The following STAG1 variants were observed in gnomAD, a reference collection of about 807,000 sequenced individuals.
STAG1 encodes the protein STAG1 cohesin complex component, also known as cohesin subunit SA-1.
A neutral mutation model predicts 170.9 loss-of-function variants in STAG1; 26 were observed. The ratio of observed to expected loss-of-function variants is 0.15; its 90% CI spans 0.11 to 0.21. The LOEUF is 0.21. STAG1 is among the 10% of genes least tolerant of loss of function. The probability of loss-of-function intolerance (pLI) is 1.00; values close to 1 mark genes in which losing one functional copy is unlikely to be tolerated. For missense variants in STAG1, 964 were observed against 1,509.5 expected, an observed-to-expected ratio of 0.64 and a Z score of 5.99; for synonymous variants, 514 against 497.7, an observed-to-expected ratio of 1.03 and a Z score of -0.44.
At chr3:136,716,356 G>A (rs1298982175) in intron 1 of STAG1, among the ~76,000 whole-genome samples, 4 of 151,844 alleles carry the variant, frequency 2.6e-5, no homozygotes, top group Non-Finnish European at 5.9e-5. Context: ...CCAGCTACTC[G>A]GGAGGCTGAG....
chr3:136,370,528 A>T (rs989642622), intron 23 of STAG1, among the ~76,000 whole-genome samples: 74 of 152,156 alleles, frequency 4.9e-4, no homozygotes, highest in Non-Finnish European at 3.2e-4. Context: ...ACCCCACAAC[A>T]GTCCCCAGTG....
intron 16 of STAG1, among the ~76,000 whole-genome samples, chr3:136,432,156 T>A (rs1451515260): frequency 3.3e-5 from 5 of 152,186 alleles, no homozygotes; most frequent in African/African-American, 1.2e-4. Flanking sequence ...ATCTTCATGT[T>A]TTTCTATTGT....
chr3:136,357,226 G>C (rs1936694521), intron 28 of STAG1, among the ~76,000 whole-genome samples: 1 of 152,084 alleles, frequency 6.6e-6, no homozygotes, highest in African/African-American at 2.4e-5. Context: ...GAGATTACAG[G>C]TGTGAGCCAC....
At chr3:136,580,293 T>C (rs1937563174) in intron 4 of STAG1, among the ~76,000 whole-genome samples, 1 of 151,220 alleles carries the variant, frequency 6.6e-6, no homozygotes, top group South Asian at 2.1e-4. Context: ...GTCATGTACA[T>C]GTATTACTTA....
At chr3:136,414,804 T>C (rs953668655) in intron 21 of STAG1, among the ~76,000 whole-genome samples, 1 of 152,176 alleles carries the variant, frequency 6.6e-6, no homozygotes, top group Non-Finnish European at 1.5e-5. Context: ...TTAACAGTCA[T>C]GAAAAATGAG....
intron 1 of STAG1, among the ~76,000 whole-genome samples, chr3:136,729,877 CTTT>C (rs36212432): frequency 1.9e-4 from 11 of 58,548 alleles, no homozygotes; most frequent in African/African-American, 7.8e-4. Context: ...CCACGCCAGG[CTTT>C]TTTTTTTTTT....
At chr3:136,684,195 G>A (rs568469066) in intron 1 of STAG1, among the ~76,000 whole-genome samples, 1 of 152,246 alleles carries the variant, frequency 6.6e-6, no homozygotes, top group East Asian at 1.9e-4. Flanking sequence ...TTACTGAAGA[G>A]GCCAAAGGTC....
intron 13 of STAG1, among the ~76,000 whole-genome samples, chr3:136,453,452 G>A (rs1018997258): frequency 1.3e-5 from 2 of 151,848 alleles, no homozygotes; most frequent in African/African-American, 2.4e-5. Context: ...TTAGCCGGGC[G>A]TGGTGGCGGG....
intron 1 of STAG1, among the ~76,000 whole-genome samples, chr3:136,705,064 C>G (rs1943188698): frequency 6.6e-6 from 1 of 151,608 alleles, no homozygotes; most frequent in African/African-American, 2.4e-5. Flanking sequence ...AACATCTAGA[C>G]AGAAGATCAT....
At chr3:136,447,693 G>C (rs147373340) in intron 14 of STAG1, among the ~76,000 whole-genome samples, 1,678 of 130,942 alleles carry the variant, frequency 0.013, 31 homozygotes, top group East Asian at 0.062. Context: ...TGCAAGCTCC[G>C]CCTCCCGGGT....
chr3:136,704,821 C>CAAAAA (rs67207510), intron 1 of STAG1, among the ~76,000 whole-genome samples: 99 of 51,354 alleles, frequency 1.9e-3, no homozygotes, highest in African/African-American at 2.4e-3. Flanking sequence ...GTCCCTGTCT[C>CAAAAA]AAAAAAAAAA....
chr3:136,582,790 C>T (rs1475431958), intron 4 of STAG1, among the ~76,000 whole-genome samples: 1 of 152,036 alleles, frequency 6.6e-6, no homozygotes, highest in Non-Finnish European at 1.5e-5. Context: ...CAGAGTCAGA[C>T]TCCATGTCAA....
intron 32 of STAG1, among the ~76,000 whole-genome samples, chr3:136,339,861 G>GA (rs1935892743): frequency 1.3e-5 from 2 of 152,152 alleles, no homozygotes; most frequent in African/African-American, 4.8e-5. Flanking sequence ...ACTGAACAAA[G>GA]AAGTCCCATA....
intron 1 of STAG1, among the ~76,000 whole-genome samples, chr3:136,685,791 G>A (rs756975630): frequency 1.7e-4 from 26 of 152,202 alleles, no homozygotes; most frequent in Non-Finnish European, 2.1e-4. Flanking sequence ...GGACTAGTAT[G>A]CCGAGTATCA....
At chr3:136,465,186 C>T (rs910870309) in intron 12 of STAG1, among the ~76,000 whole-genome samples, 198 bp from the exon 13 acceptor site, 58 of 149,812 alleles carry the variant, frequency 3.9e-4, no homozygotes, top group African/African-American at 1.3e-3. Context: ...ACAGATTCAA[C>T]GAGAAGAAAA....
chr3:136,730,146 A>G (rs1933933063), intron 1 of STAG1, among the ~76,000 whole-genome samples: 1 of 151,894 alleles, frequency 6.6e-6, no homozygotes, highest in Non-Finnish European at 1.5e-5. Flanking sequence ...CTCCCACCAC[A>G]GCCTCTCAAG....
intron 1 of STAG1, among the ~76,000 whole-genome samples, chr3:136,701,686 T>C (rs778909398): frequency 6.6e-6 from 1 of 152,192 alleles, no homozygotes; most frequent in Non-Finnish European, 1.5e-5. Context: ...AGGATTAAAA[T>C]AGATCATCTA....
At chr3:136,463,767 G>GTGTATA (rs1375220735) in intron 13 of STAG1, among the ~76,000 whole-genome samples, 15 of 58,758 alleles carry the variant, frequency 2.6e-4, no homozygotes, top group African/African-American at 6.2e-4. Context: ...GTGTGTGTGT[G>GTGTATA]TATACACACA....
intron 23 of STAG1, among the ~76,000 whole-genome samples, chr3:136,370,750 T>C (rs1388955866): frequency 1.2e-3 from 184 of 152,264 alleles, no homozygotes; most frequent in African/African-American, 2.4e-3. Context: ...TTTCTTAATC[T>C]GGTCTATCAT....
Sources: gnomAD v4.1 joint callset for allele counts (sites outside exome capture counted in the v4.1 genomes callset) on GRCh38, gnomAD v4.1.1 for gene constraint, MANE v1.5 for transcripts, NCBI Gene and HGNC (gene_info 2026-07-23, HGNC 2026-07-21) for gene names.